Variants in FBXL3 observed in about 807,000 individuals in gnomAD.
The protein encoded by FBXL3 is F-box/LRR-repeat protein 3.
FBXL3 carries 14 observed loss-of-function variants against 37.9 expected under a neutral mutation model. The observed-to-expected ratio is 0.37, with a 90% CI of 0.24 to 0.58. The LOEUF is 0.58. FBXL3 is among the 20% of genes least tolerant of loss of function. The pLI is 0.74. For missense variants in FBXL3, 327 were observed against 511.1 expected (o/e 0.64, Z 3.47); for synonymous variants, 194 against 180.1 (o/e 1.08, Z -0.62).
At chr13:77,014,928 C>A (rs1236662063) in intron 4 of FBXL3, 1 of 152,110 alleles carries the variant, frequency 6.6e-6, no homozygotes, top group Non-Finnish European at 1.5e-5. Flanking sequence ...GTTCTTGGCT[C>A]CAAAATTCAA....
chr13:77,021,433 G>A, intron 2 of FBXL3, 80 bp downstream of exon 2: 1 of 1,054,506 alleles, frequency 9.5e-7, no homozygotes, highest in Non-Finnish European at 1.3e-6. Flanking sequence ...ATATTTTAAA[G>A]GCATGAGAAG....
intron 4 of FBXL3, chr13:77,015,155 CTTT>C (rs542185628): frequency 3.8e-6 from 1 of 262,774 alleles, no homozygotes; most frequent in South Asian, 1.6e-4. Flanking sequence ...GTCCTTTCCT[CTTT>C]TTTTTCCTGT....
intron 3 of FBXL3, 48 bp from the exon 4 acceptor site, chr13:77,015,628 T>C (rs1485742138): frequency 7.6e-6 from 10 of 1,318,882 alleles, no homozygotes; most frequent in Middle Eastern, 4.2e-4. Flanking sequence ...TTTTTAGAAA[T>C]GAGAATCAAG....
intron 4 of FBXL3, chr13:77,008,985 G>C (rs1334834707): frequency 6.6e-6 from 1 of 152,134 alleles, no homozygotes; most frequent in Non-Finnish European, 1.5e-5. Context: ...TCTATTTATT[G>C]TTACAAGTAT....
intron 2 of FBXL3, among the ~76,000 whole-genome samples, chr13:77,021,053 A>C (rs2034733874): frequency 6.6e-6 from 1 of 152,160 alleles, no homozygotes; most frequent in Non-Finnish European, 1.5e-5. Flanking sequence ...TCTCTCTAAA[A>C]TATATTCATC....
At chr13:77,025,806 T>A (rs996317723) in intron 1 of FBXL3, among the ~76,000 whole-genome samples, 2 of 150,616 alleles carry the variant, frequency 1.3e-5, no homozygotes, top group East Asian at 3.9e-4. Flanking sequence ...GGGCATGCAA[T>A]AATTTTAAAT....
chr13:77,009,758 T>C (rs1048746721), intron 4 of FBXL3: 1 of 152,214 alleles, frequency 6.6e-6, no homozygotes, highest in African/African-American at 2.4e-5. Context: ...ACTGGGTATA[T>C]ACCCAAAGGA....
In FBXL3 at chr13:77,006,081, A is replaced by G. The variant is rs2034447609; in HGVS notation, c.*1064T>C. On this transcript the variant is annotated 3_prime_UTR_variant, in exon 5 of 5. Coordinates refer to ENST00000355619, the MANE Select transcript of FBXL3 (RefSeq NM_012158.4). ...ACTGAAAAATATGATTATGAACTTA[A>G]ATATGTCCTCTTTAAAATTTGCTGT... 1 of 152,580 alleles carries G rather than the reference A, an allele frequency of 6.6e-6. No homozygotes were observed. The highest frequency in any genetic ancestry group is 1.5e-5 in the Non-Finnish European group (1 of 67,974). 9.5% of individuals were successfully genotyped at this position (152,580 alleles called of 1,614,324 possible).
At chr13:77,011,442 T>A (rs9593207) in intron 4 of FBXL3, among the ~76,000 whole-genome samples, 4,239 of 150,640 alleles carry the variant, frequency 0.028, 226 homozygotes, top group African/African-American at 0.096. Flanking sequence ...ACAGTCAAGG[T>A]CAGGCACGGT....
chr13:77,006,286 T>G lies in FBXL3; in HGVS notation c.*859A>C, dbSNP rs1298214383. The G allele has an allele frequency of 1.3e-5, 2 of 152,140 alleles. No individual in the cohort carries two copies. The allele number at this position is 152,140 out of a possible 1,614,324, so 9.4% of individuals were successfully genotyped here. On this transcript the variant is annotated 3_prime_UTR_variant, in exon 5 of 5. Coordinates refer to ENST00000355619, the MANE Select transcript of FBXL3 (RefSeq NM_012158.4). Reference sequence around the variant, plus strand: ...GTTCTATATTTATTTAAATTTGGCTTTTTAAAATAGGTAAGCTTTTCATTT... The same window carrying G: ...GTTCTATATTTATTTAAATTTGGCTGTTTAAAATAGGTAAGCTTTTCATTT...
At chr13:77,011,626 G>A (rs1463196596) in intron 4 of FBXL3, among the ~76,000 whole-genome samples, 2 of 151,588 alleles carry the variant, frequency 1.3e-5, no homozygotes, top group Admixed American at 6.6e-5. Flanking sequence ...GGGAGGCTGA[G>A]GTGAGAAGAT....
At chr13:77,011,806 G>C (rs571571264) in intron 4 of FBXL3, among the ~76,000 whole-genome samples, 6 of 151,426 alleles carry the variant, frequency 4.0e-5, no homozygotes, top group African/African-American at 1.2e-4. Flanking sequence ...ACACCCCCTA[G>C]CATGGCTATA....
chr13:77,013,406 T>C (rs891484018), intron 4 of FBXL3: 1 of 152,156 alleles, frequency 6.6e-6, no homozygotes, highest in African/African-American at 2.4e-5. Flanking sequence ...TCATGAAGCC[T>C]CTGGCTCCAA....
At chr13:77,015,937 C>CACTAAACT (rs145348387) in intron 3 of FBXL3, 1,649 of 156,480 alleles carry the variant, frequency 0.011, 24 homozygotes, top group African/African-American at 0.037. Context: ...TGTTCTATAA[C>CACTAAACT]ACTAAACTGC....
chr13:77,007,520 A>G lies in FBXL3; in HGVS notation c.912T>C (p.Phe304=). ...GATGGGTGGCAGGTATTTCATAGCGAAAGAAGGGGTCAAATTCTTCTTCAT... is the reference window on the plus strand; with the variant it reads ...GATGGGTGGCAGGTATTTCATAGCGGAAGAAGGGGTCAAATTCTTCTTCAT... The part of the protein sequence containing the change: ...FLYEEEFDPF[F]RYEIPATHLY... Residue 304 remains phenylalanine (F), a synonymous_variant, in exon 5 of 5, where the codon TTT becomes TTC. Transcript: ENST00000355619. 1 of 1,614,168 alleles carries G rather than the reference A, an allele frequency of 6.2e-7. No homozygotes were observed. Among genetic ancestry groups the G allele is most frequent in the Non-Finnish European group, 8.5e-7 (1 of 1,180,026 alleles).
At chr13:77,018,439 A>T in intron 3 of FBXL3, 161 bp downstream of exon 3, 3 of 414,592 alleles carry the variant, frequency 7.2e-6, no homozygotes, top group Non-Finnish European at 1.1e-5. Context: ...AAAAAAAAAA[A>T]GCTTAAAAAA....
intron 3 of FBXL3, 199 bp downstream of exon 3, chr13:77,018,401 A>C (rs1241254643): frequency 5.6e-6 from 2 of 359,222 alleles, no homozygotes; most frequent in Non-Finnish European, 9.5e-6. Context: ...TAACCATACC[A>C]ATTTAGAAGT....
chr13:77,015,315 TA>T, intron 4 of FBXL3, 93 bp downstream of exon 4: 1 of 865,144 alleles, frequency 1.2e-6, no homozygotes, highest in Non-Finnish European at 1.7e-6. Flanking sequence ...GCAGTCATAT[TA>T]ATCCACCTTC....
intron 2 of FBXL3, among the ~76,000 whole-genome samples, chr13:77,019,903 T>G (rs1359800188): frequency 6.6e-6 from 1 of 151,890 alleles, no homozygotes; most frequent in Non-Finnish European, 1.5e-5. Context: ...AGGGTTATAC[T>G]AGATACACCT....
Sources: allele counts gnomAD v4.1 joint callset (sites outside exome capture counted in the v4.1 genomes callset), GRCh38; gene constraint gnomAD v4.1.1; transcripts MANE v1.5; gene names NCBI Gene and HGNC (gene_info 2026-07-23, HGNC 2026-07-21).